The following CENPT variants were observed in gnomAD, a reference collection of about 807,000 sequenced individuals.
CENPT encodes interphase centromere complex protein 22.
A neutral mutation model predicts 59.7 loss-of-function variants in CENPT; 42 were observed. That is an observed-to-expected ratio of 0.70 (90% CI 0.55 to 0.91). The LOEUF (loss-of-function observed/expected upper bound fraction) is 0.91, where lower values mean the gene tolerates loss of function less well. CENPT is among the 40% of genes least tolerant of loss of function. The probability of loss-of-function intolerance (pLI) is 0.00; values close to 1 mark genes in which losing one functional copy is unlikely to be tolerated. For missense variants in CENPT, 716 were observed against 713.4 expected (o/e 1.00, Z -0.04); for synonymous variants, 295 against 289.6 (o/e 1.02, Z -0.19).
chr16:67,828,846 G>A lies in CENPT; in HGVS notation c.1281-3C>T, dbSNP rs769884566. 2 of 1,576,292 alleles carry A rather than the reference G, an allele frequency of 1.3e-6. No homozygotes were observed. On this transcript the variant is annotated splice_region_variant and splice_polypyrimidine_tract_variant and intron_variant, in intron 13 of 15. Transcript: ENST00000562787. ...GCTCTGCAGGCTCTGAAGATAAGCT[G>A]AGGGCAACAGTGGACAGAGGGGGCT...
intron 3 of CENPT, 107 bp from the exon 4 acceptor site, chr16:67,834,207 G>A (rs896655077): frequency 3.4e-5 from 8 of 232,648 alleles, no homozygotes; most frequent in Non-Finnish European, 6.7e-5. Context: ...CTGGTAACTA[G>A]CAATTGCTAT....
Position 67,830,399 on chromosome 16 carries a change from G to A in CENPT, c.853C>T (p.Gln285Ter). The A allele has an allele frequency of 1.2e-6, 2 of 1,606,508 alleles. No individual in the cohort carries two copies. Among genetic ancestry groups the A allele is most frequent in the South Asian group, 1.1e-5 (1 of 90,224 alleles). ...AGTGCCACACACTCACTATTCTTCT[G>A]CAGCCCAGGCCCACTGCTCTGTGTC... Reference protein sequence around the residue: ...RKTQSSGPGLQKNSPGKPAQF... With the variant: ...RKTQSSGPGL The change falls in exon 11 of 16, where the codon CAG becomes TAG. Residue 285 changes from glutamine to a stop codon, truncating the protein, a stop_gained. Transcript: ENST00000562787. LOFTEE classifies it high-confidence loss of function.
Position 67,842,934 on chromosome 16 carries a change from AG to A in CENPT, c.-492+4466del. 6.2e-7 allele frequency: 1 copy of A among 1,606,850 alleles called. No individual in the cohort carries two copies. ...CAGCAGCAGCAACAGCAGCAGCAGC[AG>A]CAGCAGCAGCAGCAGTCCTCACCCT... On this transcript the variant is annotated intron_variant, in intron 1 of 15. Coordinates refer to ENST00000562787, the MANE Select transcript of CENPT (RefSeq NM_025082.4). This position sits in a 1 kb window ranked among gnomAD's most constrained non-coding sequence, Gnocchi z 4.9.
chr16:67,830,127 A>T, intron 11 of CENPT, 39 bp from the exon 12 acceptor site: 4 of 1,583,484 alleles, frequency 2.5e-6, no homozygotes, highest in Non-Finnish European at 3.5e-6. Flanking sequence ...GAGACGCAGC[A>T]GGCCAAGGCT....
chr16:67,836,284 C>T (rs1261325460), intron 1 of CENPT, among the ~76,000 whole-genome samples: 2 of 151,090 alleles, frequency 1.3e-5, no homozygotes, highest in African/African-American at 2.4e-5. Flanking sequence ...ATGGTCTTGA[C>T]CTCCTGACCT....
intron 12 of CENPT, 28 bp from the exon 13 acceptor site, chr16:67,829,544 G>C (rs368510813): frequency 5.7e-6 from 9 of 1,574,290 alleles, no homozygotes; most frequent in Non-Finnish European, 7.8e-6. Flanking sequence ...GGGGTCACAG[G>C]GATTCCAGGC....
At chr16:67,837,953 A>G in intron 1 of CENPT, among the ~76,000 whole-genome samples, 1 of 152,192 alleles carries the variant, frequency 6.6e-6, no homozygotes, top group East Asian at 1.9e-4. Flanking sequence ...GGTATGACAT[A>G]TCAGATTTTC....
At chr16:67,834,773 A>C (rs1008141338) in intron 3 of CENPT, among the ~76,000 whole-genome samples, 2 of 152,198 alleles carry the variant, frequency 1.3e-5, no homozygotes, top group African/African-American at 4.8e-5. Flanking sequence ...TTTGAGATGA[A>C]TTCCGGCTCT....
intron 10 of CENPT, chr16:67,830,763 TC>T: frequency 1.7e-6 from 1 of 573,776 alleles, no homozygotes. Flanking sequence ...ACCTTCCTGT[TC>T]CTCTGCCTGG....
rs1270462293 is a variant in CENPT at position 67,842,648 on chromosome 16, T to C, written c.-492+4753A>G. 7 of 1,557,020 alleles carry C rather than the reference T, an allele frequency of 4.5e-6. No homozygotes were observed. The African/African-American group carries it at 8.2e-5, about 18-fold the overall frequency. On this transcript the variant is annotated intron_variant, in intron 1 of 15. Transcript: ENST00000562787. This position sits in a 1 kb window ranked among gnomAD's most constrained non-coding sequence, Gnocchi z 4.9. ...CTACACGTTTCCAAAGGACGCTGAG[T>C]TGCGGCGCCTCTGGCTCAAGAACGT...
intron 13 of CENPT, chr16:67,829,147 C>T: frequency 1.9e-6 from 1 of 515,838 alleles, no homozygotes; most frequent in South Asian, 3.0e-5. Flanking sequence ...CCTTACTCTA[C>T]TGCTGCCTTT....
At position 67,833,876 on chromosome 16, in the gene CENPT, C is replaced by T. The variant is rs985176523; in HGVS notation, c.-17G>A. The T allele has an allele frequency of 4.1e-6, 6 of 1,469,412 alleles. No homozygotes were observed. Among genetic ancestry groups the T allele is most frequent in the Admixed American group, 5.6e-5 (2 of 35,512 alleles). 91.0% of individuals were successfully genotyped at this position (1,469,412 alleles called of 1,614,324 possible). On this transcript the variant is annotated 5_prime_UTR_variant, in exon 4 of 16. Coordinates refer to ENST00000562787, the MANE Select transcript of CENPT (RefSeq NM_025082.4). ...GTCAGCCATCGTCTCGGCCCCGGGC[C>T]CTCCTAACCGCCCAGCCAGCTGCAG...
At position 67,831,770 on chromosome 16, in the gene CENPT, C is replaced by G; in HGVS notation, c.507G>C (p.Gly169=). The change falls in exon 8 of 16, where the codon GGG becomes GGC. Residue 169 remains glycine (G), a synonymous_variant. Coordinates refer to ENST00000562787, the MANE Select transcript of CENPT (RefSeq NM_025082.4). The part of the protein sequence containing the change: ...LSVFQQGVDQ[G]LSLSQEPQGN... ...GGGCCTCACCTTGGGAGAGAGACAG[C>G]CCCTGGTCCACTCCCTGCTGAAACA... 1 of 1,581,382 alleles carries G rather than the reference C, an allele frequency of 6.3e-7. No individual in the cohort carries two copies. The highest frequency in any genetic ancestry group is 2.2e-5 in the East Asian group (1 of 44,702).
Position 67,829,801 on chromosome 16 carries a change from C to T in CENPT, c.1150G>A (p.Ala384Thr). The change falls in exon 12 of 16, where the codon GCA becomes ACA. Residue 384 changes from alanine (A) to threonine (T), a missense_variant. Physicochemically the swap from Ala to Thr is moderately conservative, Grantham distance 58. Transcript: ENST00000562787. ...QGTAEADGPG[A>T]SSGDEDASGR... Reference sequence around the variant, plus strand: ...GAGGCATCCTCATCCCCTGAAGATGCTCCTGGCCCGTCAGCCTCAGCAGTC... The same window carrying T: ...GAGGCATCCTCATCCCCTGAAGATGTTCCTGGCCCGTCAGCCTCAGCAGTC... 1.2e-6 allele frequency: 2 copies of T among 1,614,242 alleles called. No homozygotes were observed. The highest frequency in any genetic ancestry group is 1.7e-6 in the Non-Finnish European group (2 of 1,180,040).
chr16:67,828,301 G>A lies in CENPT; in HGVS notation c.1652C>T (p.Ala551Val), dbSNP rs549559983. Residue 551 changes from alanine to valine, a missense_variant, in exon 16 of 16, where the codon GCA (alanine) becomes GTA (valine). Physicochemically the swap from Ala to Val is moderately conservative, Grantham distance 64 (BLOSUM62 0). Transcript: ENST00000562787. ...AGGGAAGACAGAGTTGCCACTGTAT[G>A]CACAGGGGATGAGCAGCTGCCGGTA... Reference protein sequence around the residue: ...LEYRQLLIPCAYSGNSVFPAQ With the variant: ...LEYRQLLIPCVYSGNSVFPAQ 1.2e-6 allele frequency: 2 copies of A among 1,607,676 alleles called. No individual in the cohort carries two copies. The highest frequency in any genetic ancestry group is 2.7e-5 in the African/African-American group (2 of 74,932).
intron 1 of CENPT, among the ~76,000 whole-genome samples, chr16:67,845,700 GT>G (rs1231737081): frequency 6.6e-6 from 1 of 152,256 alleles, no homozygotes; most frequent in Non-Finnish European, 1.5e-5. Flanking sequence ...TATGGGCAGT[GT>G]TTTGGCTTCT....
Position 67,842,608 on chromosome 16 carries a change from C to T in CENPT, c.-492+4793G>A. ...GCTGCTACAACAACTCGCACCGGGA[C>T]AAGGCGCTGCACTTCTACACGTTTC... On this transcript the variant is annotated intron_variant, in intron 1 of 15. Transcript: ENST00000562787. The surrounding 1 kb of genome is among the most constrained non-coding windows in gnomAD (Gnocchi z 4.9). 1 of 1,550,410 alleles carries T rather than the reference C, an allele frequency of 6.4e-7. No individual in the cohort carries two copies. The highest frequency in any genetic ancestry group is 8.7e-7 in the Non-Finnish European group (1 of 1,146,568).
rs370858297 is a variant in CENPT at position 67,828,475 on chromosome 16, G to A, written c.1561C>T (p.Arg521Trp). ...CCCCCACACCTTCCGCCTTCTCACC[G>A]CCGCATCAGCAGCTCCAGGTCCTCT... is the stretch of plus-strand genomic sequence containing the variant. ...KPEDLELLMRRQGLVTDQVSL... is the reference protein window; with the variant it reads ...KPEDLELLMRWQGLVTDQVSL... The change falls in exon 15 of 16, where the codon CGG (arginine) becomes TGG (tryptophan). Residue 521 changes from arginine (R) to tryptophan (W), a missense_variant and splice_region_variant. Coordinates refer to ENST00000562787, the MANE Select transcript of CENPT (RefSeq NM_025082.4). 10 of 1,614,060 alleles carry A rather than the reference G, an allele frequency of 6.2e-6. No homozygotes were observed. The African/African-American group carries it at 8.0e-5, about 13-fold the overall frequency.
chr16:67,838,595 C>T (rs1316316810), intron 1 of CENPT, among the ~76,000 whole-genome samples: 1 of 147,466 alleles, frequency 6.8e-6, no homozygotes, highest in African/African-American at 2.5e-5. Context: ...GCATTCCAGC[C>T]TGGGTGACAG....
Sources: gnomAD v4.1 joint callset for allele counts (sites outside exome capture counted in the v4.1 genomes callset) on GRCh38, gnomAD v4.1.1 for gene constraint, Gnocchi (gnomAD v3.1) non-coding constraint, MANE v1.5 for transcripts, NCBI Gene and HGNC (gene_info 2026-07-23, HGNC 2026-07-21) for gene names.